Variants in CDH18 observed in about 807,000 individuals in gnomAD.
The protein encoded by CDH18 is cadherin-18.
A neutral mutation model predicts 67.9 loss-of-function variants in CDH18; 31 were observed. The observed-to-expected ratio is 0.46, with a 90% CI of 0.34 to 0.62. CDH18 has a LOEUF of 0.62. Among genes scored for constraint, CDH18 ranks in the 20% least tolerant of loss-of-function variants. CDH18 has a pLI of 0.01. For synonymous variants in CDH18, 362 were observed against 347.2 expected (o/e 1.04, Z -0.48); for missense variants, 890 against 975.5 (o/e 0.91, Z 1.17).
At chr5:20,548,062 A>G (rs906698905) in intron 1 of CDH18, among the ~76,000 whole-genome samples, 1 of 151,292 alleles carries the variant, frequency 6.6e-6, no homozygotes, top group Non-Finnish European at 1.5e-5. Context: ...AAAAAAAAAC[A>G]AAATATGTTC....
At chr5:19,668,117 T>C (rs1758220307) in intron 5 of CDH18, among the ~76,000 whole-genome samples, 1 of 152,038 alleles carries the variant, frequency 6.6e-6, no homozygotes, top group Non-Finnish European at 1.5e-5. Flanking sequence ...AAAATTCACA[T>C]ATTTGAGATG....
chr5:19,765,578 A>G (rs374457149), intron 3 of CDH18, among the ~76,000 whole-genome samples: 2 of 152,246 alleles, frequency 1.3e-5, no homozygotes, highest in East Asian at 3.9e-4. Context: ...AGAGGGAGAA[A>G]TTTAAAAACA....
chr5:19,589,648 C>T (rs570236187), intron 7 of CDH18, among the ~76,000 whole-genome samples: 41 of 152,204 alleles, frequency 2.7e-4, no homozygotes, highest in Admixed American at 4.6e-4. Flanking sequence ...ATCTTGACAT[C>T]AAATTAGACC....
intron 2 of CDH18, among the ~76,000 whole-genome samples, chr5:20,112,103 T>C (rs1747528834): frequency 6.6e-6 from 1 of 152,186 alleles, no homozygotes; most frequent in South Asian, 2.1e-4. Context: ...CAAAGATACA[T>C]TTCACGTAAC....
intron 1 of CDH18, among the ~76,000 whole-genome samples, chr5:20,485,145 A>G (rs969944888): frequency 1.3e-5 from 2 of 152,154 alleles, no homozygotes; most frequent in African/African-American, 4.8e-5. Flanking sequence ...CTGTGTTAGC[A>G]GTATCTGGCT....
chr5:19,712,917 A>C (rs1007444968), intron 5 of CDH18, among the ~76,000 whole-genome samples: 1 of 151,732 alleles, frequency 6.6e-6, no homozygotes, highest in Admixed American at 6.6e-5. Context: ...AATAAATTTA[A>C]AGTAATGAAA....
At chr5:19,934,398 G>A (rs1431727166) in intron 2 of CDH18, among the ~76,000 whole-genome samples, 1 of 151,200 alleles carries the variant, frequency 6.6e-6, no homozygotes, top group Admixed American at 6.6e-5. Flanking sequence ...TGACAACCCA[G>A]TGGGCTCTCA....
At chr5:19,628,378 T>C (rs1751875793) in intron 5 of CDH18, among the ~76,000 whole-genome samples, 1 of 152,198 alleles carries the variant, frequency 6.6e-6, no homozygotes, top group African/African-American at 2.4e-5. Context: ...TGATTTTATA[T>C]ATTTTAACAT....
chr5:19,538,648 A>G (rs1429673507), intron 9 of CDH18, among the ~76,000 whole-genome samples: 1 of 152,162 alleles, frequency 6.6e-6, no homozygotes, highest in East Asian at 1.9e-4. Flanking sequence ...CTACAGGGCC[A>G]TATTAGAATA....
intron 2 of CDH18, among the ~76,000 whole-genome samples, chr5:19,841,656 C>CT (rs1391834763): frequency 2.0e-5 from 3 of 150,980 alleles, no homozygotes; most frequent in Non-Finnish European, 4.4e-5. Context: ...TATTTTAATA[C>CT]TTTCACACCA....
chr5:20,317,145 TA>T (rs1737545083), intron 1 of CDH18, among the ~76,000 whole-genome samples: 1 of 152,078 alleles, frequency 6.6e-6, no homozygotes, highest in Admixed American at 6.5e-5. Context: ...CTTTTGCCTT[TA>T]GAATTTTATC....
chr5:19,769,203 G>A (rs76571432), intron 3 of CDH18, among the ~76,000 whole-genome samples: 4,558 of 152,116 alleles, frequency 0.03, 175 homozygotes, highest in African/African-American at 0.094. Context: ...CTACATTCCA[G>A]TAGCTCAATG....
intron 7 of CDH18, among the ~76,000 whole-genome samples, chr5:19,582,753 T>C (rs1318620274): frequency 2.0e-5 from 3 of 151,994 alleles, no homozygotes; most frequent in Non-Finnish European, 2.9e-5. Context: ...TTATTCACAA[T>C]GGGTTGGGAT....
chr5:20,532,532 T>A, intron 1 of CDH18, among the ~76,000 whole-genome samples: 1 of 152,120 alleles, frequency 6.6e-6, no homozygotes, highest in East Asian at 1.9e-4. Flanking sequence ...TTAACTGATT[T>A]CCCTGTAGTT....
At chr5:19,962,143 C>T (rs1796965408) in intron 2 of CDH18, among the ~76,000 whole-genome samples, 1 of 151,544 alleles carries the variant, frequency 6.6e-6, no homozygotes, top group Non-Finnish European at 1.5e-5. Flanking sequence ...TCTTCTTTAA[C>T]CTTGAGTGGG....
intron 10 of CDH18, among the ~76,000 whole-genome samples, chr5:19,503,990 T>C (rs1371842086): frequency 6.6e-6 from 1 of 151,470 alleles, no homozygotes; most frequent in East Asian, 1.9e-4. Context: ...GTTTCTGAAA[T>C]ACATTGAACT....
chr5:20,205,371 A>C (rs1739800617), intron 2 of CDH18, among the ~76,000 whole-genome samples: 1 of 152,040 alleles, frequency 6.6e-6, no homozygotes, highest in Admixed American at 6.6e-5. Flanking sequence ...ACACCCAAGT[A>C]TATGCAACAA....
At chr5:20,312,903 CTTAT>C (rs1452941532) in intron 1 of CDH18, among the ~76,000 whole-genome samples, 7 of 151,844 alleles carry the variant, frequency 4.6e-5, no homozygotes, top group South Asian at 4.1e-4. Flanking sequence ...TCAATTCTTT[CTTAT>C]TTATTTTTTA....
intron 2 of CDH18, among the ~76,000 whole-genome samples, chr5:19,946,710 G>A (rs1795316068): frequency 6.6e-6 from 1 of 152,090 alleles, no homozygotes; most frequent in African/African-American, 2.4e-5. Context: ...TCAGGAAATA[G>A]AAGGGGAAGG....
Sources: allele counts gnomAD v4.1 joint callset (sites outside exome capture counted in the v4.1 genomes callset), GRCh38; gene constraint gnomAD v4.1.1; transcripts MANE v1.5; gene names NCBI Gene and HGNC (gene_info 2026-07-23, HGNC 2026-07-21).